The following CSKMT variants were observed in gnomAD, a reference collection of about 807,000 sequenced individuals.
The protein encoded by CSKMT is citrate synthase lysine methyltransferase.
In CSKMT, 6 loss-of-function variants were observed where a neutral mutation model predicts 4.6. That is an observed-to-expected ratio of 1.31 (90% CI 0.72 to 2.59). CSKMT has a LOEUF of 2.59. Ranked by LOEUF, CSKMT falls within the 30% of genes most tolerant of loss-of-function variation. The probability of loss-of-function intolerance (pLI) is 0.00; values close to 1 mark genes in which losing one functional copy is unlikely to be tolerated. For synonymous variants in CSKMT, 142 were observed against 128.9 expected, an observed-to-expected ratio of 1.10 and a Z score of -0.69; for missense variants, 328 against 298.0, an observed-to-expected ratio of 1.10 and a Z score of -0.74.
chr11:62,665,450 G>C (rs951352209), intron 1 of CSKMT, 118 bp downstream of exon 1: 6 of 1,562,864 alleles, frequency 3.8e-6, no homozygotes, highest in Admixed American at 3.5e-5. Flanking sequence ...GATCGGGCTT[G>C]TGGTGCCGCT....
In CSKMT at chr11:62,665,652, C is replaced by T. The variant is rs1485353977; in HGVS notation, c.-228C>T. ...ACTTTCTCATTTGATTTCAGGTCTG[C>T]GGACGCTGTATACCCTCCTCCACTT... On this transcript the variant is annotated 5_prime_UTR_variant, in exon 2 of 3. Transcript: ENST00000532971. 2 of 1,497,406 alleles carry T rather than the reference C, an allele frequency of 1.3e-6. No homozygotes were observed. Among genetic ancestry groups the T allele is most frequent in the East Asian group, 2.4e-5 (1 of 41,554 alleles). The allele number at this position is 1,497,406 out of a possible 1,614,324, so 92.8% of individuals were successfully genotyped here. A position where few individuals can be genotyped will look rare whatever the true frequency, so the allele number is the denominator to read the frequency against.
At position 62,666,538 on chromosome 11, in the gene CSKMT, G is replaced by T. The variant is rs771411834; in HGVS notation, c.210G>T (p.Glu70Asp). The T allele has an allele frequency of 6.2e-7, 1 of 1,614,198 alleles. No individual in the cohort carries two copies. The highest frequency in any genetic ancestry group is 8.5e-7 in the Non-Finnish European group (1 of 1,180,044). Residue 70 changes from glutamate (E) to aspartate (D), a missense_variant, in exon 3 of 3, where the codon GAG becomes GAT. Coordinates refer to ENST00000532971, the MANE Select transcript of CSKMT (RefSeq NM_001043229.2). The stretch of plus-strand genomic sequence containing the variant: ...GGCTCCTACTGCCATTGCTGCAGGA[G>T]GCACAGGCTGCCAGTCCTCTGCGAG... ...VQGLLLPLLQ[E>D]AQAASPLRVL...
rs1944770387 is a variant in CSKMT at position 62,665,348 on chromosome 11, GC to G, written c.-234+17del. Reference sequence around the variant, plus strand: ...TGGTGAGCTAGTAAGTGTGGTTTTAGCTGTAGTAGCCAGATTGGGCGGCCGG... The same window carrying G: ...TGGTGAGCTAGTAAGTGTGGTTTTAGTGTAGTAGCCAGATTGGGCGGCCGG... On this transcript the variant is annotated intron_variant, in intron 1 of 2. Coordinates refer to ENST00000532971, the MANE Select transcript of CSKMT (RefSeq NM_001043229.2). 3 of 816,364 alleles carry G rather than the reference GC, an allele frequency of 3.7e-6. No individual in the cohort carries two copies. Among genetic ancestry groups the G allele is most frequent in the Middle Eastern group, 6.9e-4 (2 of 2,904 alleles). The allele number at this position is 816,364 out of a possible 1,614,324, so 50.6% of individuals were successfully genotyped here. A position where few individuals can be genotyped will look rare whatever the true frequency, so the allele number is the denominator to read the frequency against.
chr11:62,666,951 G>A lies in CSKMT; in HGVS notation c.623G>A (p.Cys208Tyr), dbSNP rs1419170024. The change falls in exon 3 of 3, where the codon TGC becomes TAC. Residue 208 changes from cysteine to tyrosine, a missense_variant. Transcript: ENST00000532971. ...SDEDPDVRLP[C>Y]LEQGSYGWTV... ...GAGGACCCTGATGTGCGACTGCCCT[G>A]CCTGGAACAAGGGTCCTATGGCTGG... The A allele has an allele frequency of 6.2e-7, 1 of 1,614,178 alleles. No individual in the cohort carries two copies. Among genetic ancestry groups the A allele is most frequent in the Non-Finnish European group, 8.5e-7 (1 of 1,180,032 alleles).
chr11:62,667,368 G>T lies in CSKMT; in HGVS notation c.*317G>T. 1 of 758,806 alleles carries T rather than the reference G, an allele frequency of 1.3e-6. No individual in the cohort carries two copies. 47.0% of individuals were successfully genotyped at this position (758,806 alleles called of 1,614,324 possible). On this transcript the variant is annotated 3_prime_UTR_variant, in exon 3 of 3. Coordinates refer to ENST00000532971, the MANE Select transcript of CSKMT (RefSeq NM_001043229.2). ...CTCCTAAAAGCAGCAGACAGGAACT[G>T]AATCAAAACCCCTGCGCTGACTGAC...
In CSKMT at chr11:62,666,517, C is replaced by G. The variant is rs1944817555; in HGVS notation, c.189C>G (p.Leu63=). 1.9e-6 allele frequency: 3 copies of G among 1,614,032 alleles called. No individual in the cohort carries two copies. The South Asian group carries it at 3.3e-5, about 18-fold the overall frequency. The change falls in exon 3 of 3, where the codon CTC becomes CTG. Residue 63 remains leucine (L), a synonymous_variant. Coordinates refer to ENST00000532971, the MANE Select transcript of CSKMT (RefSeq NM_001043229.2). ...TTGGATACGACGAAGTCCAGGGGCT[C>G]CTACTGCCATTGCTGCAGGAGGCAC... The part of the protein sequence containing the change: ...WFFGYDEVQG[L]LLPLLQEAQA...
intron 1 of CSKMT, 148 bp from the exon 2 acceptor site, chr11:62,665,499 C>T (rs769095056): frequency 6.9e-5 from 108 of 1,573,626 alleles, no homozygotes; most frequent in Non-Finnish European, 7.7e-5. Flanking sequence ...GGGCTCTGGC[C>T]CCCTCGGCGT....
At position 62,666,145 on chromosome 11, in the gene CSKMT, G is replaced by A. The variant is rs762131721; in HGVS notation, c.67+199G>A. On this transcript the variant is annotated intron_variant, in intron 2 of 2. Coordinates refer to ENST00000532971, the MANE Select transcript of CSKMT (RefSeq NM_001043229.2). ...GGCAGATCGCTTGGCCCAGGAGTTCGAGACCAACCTAGGGCAACATAGCGA... is the reference window on the plus strand; with the variant it reads ...GGCAGATCGCTTGGCCCAGGAGTTCAAGACCAACCTAGGGCAACATAGCGA... 3.3e-5 allele frequency: 24 copies of A among 737,114 alleles called. No homozygotes were observed. In the Middle Eastern group the frequency reaches 1.9e-3, roughly 59 times the overall value. The allele number at this position is 737,114 out of a possible 1,614,324, so 45.7% of individuals were successfully genotyped here.
chr11:62,666,039 A>C, intron 2 of CSKMT, 93 bp downstream of exon 2: 3 of 1,384,062 alleles, frequency 2.2e-6, no homozygotes, highest in Non-Finnish European at 3.0e-6. Flanking sequence ...GTAGTCCCTG[A>C]AATTGTGATT....
chr11:62,666,010 T>G, intron 2 of CSKMT, 64 bp downstream of exon 2: 2 of 1,543,584 alleles, frequency 1.3e-6, no homozygotes, highest in Admixed American at 1.7e-5. Context: ...GTAAGGTGGG[T>G]TCCTCGTGAG....
Position 62,667,951 on chromosome 11 carries a change from C to T in CSKMT, c.*900C>T, listed in dbSNP as rs189862022. ...GGGATAGTGGCACAGGCATGTAGTT[C>T]CAACTACTCAGGAGGCTGAGCTGGG... On this transcript the variant is annotated 3_prime_UTR_variant, in exon 3 of 3. Coordinates refer to ENST00000532971, the MANE Select transcript of CSKMT (RefSeq NM_001043229.2). 1.4e-3 allele frequency: 761 copies of T among 525,766 alleles called. 4 individuals carry two copies. Among genetic ancestry groups the T allele is most frequent in the Non-Finnish European group, 1.6e-3 (481 of 293,174 alleles). 32.6% of individuals were successfully genotyped at this position (525,766 alleles called of 1,614,324 possible). A position where few individuals can be genotyped will look rare whatever the true frequency, so the allele number is the denominator to read the frequency against.
Position 62,667,930 on chromosome 11 carries a change from T to G in CSKMT, c.*879T>G. On this transcript the variant is annotated 3_prime_UTR_variant, in exon 3 of 3. Transcript: ENST00000532971. ...TCTACAAAAACAAATGAGCCCGGGA[T>G]AGTGGCACAGGCATGTAGTTCCAAC... is the stretch of plus-strand genomic sequence containing the variant. 6.7e-5 allele frequency: 36 copies of G among 538,098 alleles called. No homozygotes were observed. Among genetic ancestry groups the G allele is most frequent in the Middle Eastern group, 5.0e-4 (1 of 1,994 alleles). 33.3% of individuals were successfully genotyped at this position (538,098 alleles called of 1,614,324 possible). A position where few individuals can be genotyped will look rare whatever the true frequency, so the allele number is the denominator to read the frequency against.
intron 1 of CSKMT, 120 bp from the exon 2 acceptor site, chr11:62,665,527 C>T (rs765114035): frequency 8.3e-6 from 13 of 1,568,198 alleles, no homozygotes; most frequent in Admixed American, 6.8e-5. Flanking sequence ...TCGGTGCTGG[C>T]GGCTTCCCAT....
At chr11:62,666,234 G>A in intron 2 of CSKMT, 162 bp from the exon 3 acceptor site, 2 of 793,984 alleles carry the variant, frequency 2.5e-6, no homozygotes, top group Non-Finnish European at 4.1e-6. Flanking sequence ...TACTCAGGAG[G>A]CTGAGGTGGA....
Position 62,665,569 on chromosome 11 carries a change from C to T in CSKMT, c.-233-78C>T, listed in dbSNP as rs748597527. On this transcript the variant is annotated intron_variant, in intron 1 of 2. Coordinates refer to ENST00000532971, the MANE Select transcript of CSKMT (RefSeq NM_001043229.2). Reference sequence around the variant, plus strand: ...GTTCTATCCTCAAACGCCGGGACACCGGGAATCTCGGAGAAGGACAACCGA... The same window carrying T: ...GTTCTATCCTCAAACGCCGGGACACTGGGAATCTCGGAGAAGGACAACCGA... The T allele has an allele frequency of 4.5e-6, 7 of 1,567,910 alleles. No homozygotes were observed. The East Asian group carries it at 1.6e-4, about 37-fold the overall frequency.
Position 62,667,695 on chromosome 11 carries a change from A to T in CSKMT, c.*644A>T. On this transcript the variant is annotated 3_prime_UTR_variant, in exon 3 of 3. Transcript: ENST00000532971. ...CCTGGTCCTGCCCCCAGCTGAGTCC[A>T]GCGTTAAATGTTCTTAAAGGACTTC... is the stretch of plus-strand genomic sequence containing the variant. The T allele has an allele frequency of 3.7e-6, 6 of 1,614,182 alleles. No individual in the cohort carries two copies. The highest frequency in any genetic ancestry group is 5.1e-6 in the Non-Finnish European group (6 of 1,180,028).
intron 2 of CSKMT, 99 bp downstream of exon 2, chr11:62,666,045 TG>T: frequency 7.4e-7 from 1 of 1,350,054 alleles, no homozygotes; most frequent in Admixed American, 2.0e-5. Flanking sequence ...CCTGAAATTG[TG>T]ATTCTCAAAC....
chr11:62,666,028 T>G, intron 2 of CSKMT, 82 bp downstream of exon 2: 9 of 1,432,994 alleles, frequency 6.3e-6, no homozygotes, highest in Non-Finnish European at 8.6e-6. Context: ...GAGTCAGGAG[T>G]GTAGTCCCTG....
In CSKMT at chr11:62,667,198, T is replaced by C. The variant is rs1468346806; in HGVS notation, c.*147T>C. Reference sequence around the variant, plus strand: ...TGGGTGCCATATTGCTGAATGTTTCTGTTCCCCAGTTTACTCATCTGCAGA... The same window carrying C: ...TGGGTGCCATATTGCTGAATGTTTCCGTTCCCCAGTTTACTCATCTGCAGA... On this transcript the variant is annotated 3_prime_UTR_variant, in exon 3 of 3. Coordinates refer to ENST00000532971, the MANE Select transcript of CSKMT (RefSeq NM_001043229.2). 1 of 816,500 alleles carries C rather than the reference T, an allele frequency of 1.2e-6. No individual in the cohort carries two copies. The highest frequency in any genetic ancestry group is 1.8e-5 in the South Asian group (1 of 56,578). 50.6% of individuals were successfully genotyped at this position (816,500 alleles called of 1,614,324 possible). A position where few individuals can be genotyped will look rare whatever the true frequency, so the allele number is the denominator to read the frequency against.
Sources: allele counts gnomAD v4.1 joint callset, GRCh38; gene constraint gnomAD v4.1.1; transcripts MANE v1.5; gene names NCBI Gene and HGNC (gene_info 2026-07-23, HGNC 2026-07-21).